The following MKLN1 variants were observed in gnomAD, a reference collection of about 807,000 sequenced individuals.
MKLN1 encodes muskelin.
In MKLN1, 18 loss-of-function variants were observed where a neutral mutation model predicts 99.0. The ratio of observed to expected loss-of-function variants is 0.18; its 90% confidence interval spans 0.13 to 0.27. MKLN1 has a LOEUF of 0.27. MKLN1 is among the 10% of genes least tolerant of loss of function. The pLI is 1.00. For missense variants in MKLN1, 621 were observed against 875.9 expected (o/e 0.71, Z 3.67); for synonymous variants, 288 against 293.2 (o/e 0.98, Z 0.18).
At chr7:131,423,857 T>C (rs1194069966) in intron 8 of MKLN1, among the ~76,000 whole-genome samples, 2 of 152,232 alleles carry the variant, frequency 1.3e-5, no homozygotes, top group Non-Finnish European at 2.9e-5. Context: ...GTCATAGGCA[T>C]AACAATTCAG....
chr7:131,271,713 A>ATCCTC (rs1797887774), intron 3 of MKLN1, among the ~76,000 whole-genome samples: 1 of 151,978 alleles, frequency 6.6e-6, no homozygotes, highest in South Asian at 2.1e-4. Context: ...GTTTGAGACC[A>ATCCTC]GCTTGGTCAA....
intron 3 of MKLN1, among the ~76,000 whole-genome samples, chr7:131,207,302 A>AT (rs1796828046): frequency 6.6e-6 from 1 of 152,032 alleles, no homozygotes; most frequent in Non-Finnish European, 1.5e-5. Flanking sequence ...GGTTGAAGTG[A>AT]TTCTTGTGCC....
At chr7:131,371,823 T>G (rs542528553) in intron 1 of MKLN1, among the ~76,000 whole-genome samples, 1 of 151,708 alleles carries the variant, frequency 6.6e-6, no homozygotes, top group Admixed American at 6.6e-5. Flanking sequence ...AATCTCCTAT[T>G]TTTAGAATCA....
chr7:131,297,784 T>G (rs991033320), intron 3 of MKLN1, among the ~76,000 whole-genome samples: 6 of 152,194 alleles, frequency 3.9e-5, no homozygotes, highest in African/African-American at 1.4e-4. Flanking sequence ...ACTCATCCAT[T>G]GCAACTAGAA....
chr7:131,336,216 T>C (rs1052395532), intron 1 of MKLN1, among the ~76,000 whole-genome samples: 1 of 152,088 alleles, frequency 6.6e-6, no homozygotes, highest in Non-Finnish European at 1.5e-5. Flanking sequence ...TTATCTCTAG[T>C]AACACTTGTC....
At chr7:131,439,152 G>A (rs1032314890) in intron 10 of MKLN1, among the ~76,000 whole-genome samples, 2 of 152,128 alleles carry the variant, frequency 1.3e-5, no homozygotes, top group African/African-American at 4.8e-5. Context: ...TGTTCTTCAC[G>A]TGGAAAATAA....
chr7:131,330,152 G>A (rs1213936856), intron 1 of MKLN1, among the ~76,000 whole-genome samples: 1 of 152,174 alleles, frequency 6.6e-6, no homozygotes, highest in Non-Finnish European at 1.5e-5. Flanking sequence ...ACTTCTCTGT[G>A]TGACAGAAGA....
chr7:131,231,687 T>A (rs1444240876), intron 3 of MKLN1, among the ~76,000 whole-genome samples: 1 of 152,184 alleles, frequency 6.6e-6, no homozygotes, highest in African/African-American at 2.4e-5. Flanking sequence ...GGTGGCTAGA[T>A]GTTTATATGT....
rs56257390 is a variant in MKLN1 at position 131,111,769 on chromosome 7, CATAAATAAATAA to C, written c.-419+1582_-419+1593del. 3.8e-3 allele frequency among the ~76,000 whole-genome samples: 573 copies of C among 151,356 alleles called. 4 individuals are homozygous for C. The highest frequency in any genetic ancestry group is 0.013 in the African/African-American group (534 of 41,170). ...TTAAGTATACTTCTAAAATGAAACG[CATAAATAAATAA>C]ATAAATAAATAAATAAATACATGTC... On this transcript the variant is annotated intron_variant, in intron 1 of 7. Transcript: ENST00000416992.
rs1159100458 is a variant in MKLN1 at position 131,445,809 on chromosome 7, A to G, written c.1431A>G (p.Arg477=). The change falls in exon 12 of 18, where the codon CGA becomes CGG. Residue 477 remains arginine (R), a synonymous_variant. Transcript: ENST00000352689. The stretch of plus-strand genomic sequence containing the variant: ...GCTTATATGTATTTGGTGGCCAGCG[A>G]TCAAAGACCTATTTGAATGATTTCT... ...NRCLYVFGGQ[R]SKTYLNDFFS... The G allele has an allele frequency of 1.2e-6, 2 of 1,608,154 alleles. No individual in the cohort carries two copies. The highest frequency in any genetic ancestry group is 8.5e-7 in the Non-Finnish European group (1 of 1,177,148).
chr7:131,266,047 A>C (rs922215630), intron 3 of MKLN1, among the ~76,000 whole-genome samples: 1 of 151,958 alleles, frequency 6.6e-6, no homozygotes, highest in Non-Finnish European at 1.5e-5. Flanking sequence ...GGTGGTGTGC[A>C]CCTGTAGTCC....
At chr7:131,469,200 A>G (rs115073807) in intron 15 of MKLN1, among the ~76,000 whole-genome samples, 92 of 152,166 alleles carry the variant, frequency 6.0e-4, no homozygotes, top group Non-Finnish European at 1.1e-3. Flanking sequence ...ATAGAAAGAT[A>G]GATGGATGGA....
chr7:131,326,501 C>A (rs1798892331), upstream of MKLN1, among the ~76,000 whole-genome samples: 1 of 152,098 alleles, frequency 6.6e-6, no homozygotes, highest in African/African-American at 2.4e-5. Context: ...TATGTCACCA[C>A]ACGCAGCTAA....
At chr7:131,168,439 A>G (rs1299659864) in intron 2 of MKLN1, among the ~76,000 whole-genome samples, 1 of 152,172 alleles carries the variant, frequency 6.6e-6, no homozygotes, top group African/African-American at 2.4e-5. Context: ...ATGCACCTTG[A>G]CAATCTTTAT....
intron 1 of MKLN1, among the ~76,000 whole-genome samples, chr7:131,330,488 G>T (rs1799039835): frequency 6.6e-6 from 1 of 152,168 alleles, no homozygotes. Flanking sequence ...ATCTCCGTTT[G>T]CCAGATGTTG....
intron 2 of MKLN1, among the ~76,000 whole-genome samples, chr7:131,183,038 A>G (rs999625489): frequency 2.0e-5 from 3 of 152,240 alleles, no homozygotes; most frequent in Admixed American, 6.5e-5. Flanking sequence ...ACACAGCATC[A>G]GGTGGATGTG....
chr7:131,217,197 A>G (rs1292512545), intron 3 of MKLN1, among the ~76,000 whole-genome samples: 1 of 152,260 alleles, frequency 6.6e-6, no homozygotes, highest in Non-Finnish European at 1.5e-5. Flanking sequence ...AAACTTATTT[A>G]TTAAAATATG....
intron 1 of MKLN1, among the ~76,000 whole-genome samples, chr7:131,134,334 C>A (rs1412739694): frequency 6.6e-6 from 1 of 152,148 alleles, no homozygotes; most frequent in African/African-American, 2.4e-5. Context: ...TCCTTCTCCA[C>A]TGACAGCTGC....
intron 3 of MKLN1, among the ~76,000 whole-genome samples, chr7:131,387,649 A>G (rs910108350): frequency 1.3e-5 from 2 of 152,200 alleles, no homozygotes; most frequent in Admixed American, 6.5e-5. Flanking sequence ...TCCAGAAGCA[A>G]TATTCTAGTG....
Sources: gnomAD v4.1 joint callset for allele counts (sites outside exome capture counted in the v4.1 genomes callset) on GRCh38, gnomAD v4.1.1 for gene constraint, MANE v1.5 for transcripts, NCBI Gene and HGNC (gene_info 2026-07-23, HGNC 2026-07-21) for gene names.